PTPRN: variants seen among roughly 807,000 people sequenced by gnomAD.
PTPRN encodes protein tyrosine phosphatase receptor type N.
PTPRN carries 70 observed loss-of-function variants against 108.5 expected under a neutral mutation model. That is an observed-to-expected ratio of 0.65 (90% CI 0.53 to 0.79). The LOEUF (loss-of-function observed/expected upper bound fraction) is 0.79, where lower values mean the gene tolerates loss of function less well. PTPRN is among the 30% of genes least tolerant of loss of function. The pLI is 0.00. For missense variants in PTPRN, 1,136 were observed against 1,295.5 expected (o/e 0.88, Z 1.89); for synonymous variants, 496 against 524.6 (o/e 0.95, Z 0.75).
rs761490920 is a variant in PTPRN at position 219,290,628 on chromosome 2, G to A, written c.2795-17C>T. ...CCTTCACTCCTGGAGATGGAGGTGG[G>A]GATGGGGCTGCTCAGGGGGTGTCCA... On this transcript the variant is annotated splice_polypyrimidine_tract_variant and intron_variant, in intron 21 of 22. Transcript: ENST00000295718. This position sits in a 1 kb window ranked among gnomAD's most constrained non-coding sequence, Gnocchi z 4.2. 6.5e-7 allele frequency: 1 copy of A among 1,550,174 alleles called. No individual in the cohort carries two copies. Among genetic ancestry groups the A allele is most frequent in the Non-Finnish European group, 8.7e-7 (1 of 1,145,406 alleles).
Position 219,296,040 on chromosome 2 carries a change from ATG to A in PTPRN, c.2508+184_2508+185del, listed in dbSNP as rs1472274497. The A allele has an allele frequency of 5.4e-6, 4 of 741,750 alleles. No homozygotes were observed. Among genetic ancestry groups the A allele is most frequent in the Non-Finnish European group, 8.7e-6 (4 of 460,140 alleles). The allele number at this position is 741,750 out of a possible 1,614,324, so 45.9% of individuals were successfully genotyped here. On this transcript the variant is annotated intron_variant, in intron 18 of 22. Transcript: ENST00000295718. The surrounding 1 kb of genome is among the most constrained non-coding windows in gnomAD (Gnocchi z 6.0). ...GTAAACAGGACACACACATGTATAT[ATG>A]TGAATATATGGGTATGCATATATGT...
chr2:219,300,095 AGGTGTCACAGGG>A lies in PTPRN; in HGVS notation c.1314_1325del (p.Pro439_Pro442del), dbSNP rs754840416. On this transcript the variant is annotated inframe_deletion, in exon 9 of 23. Transcript: ENST00000295718. Reference sequence around the variant, plus strand: ...GTGGGCTTTTCTTCTCTAGCAGGACAGGTGTCACAGGGGGTCTGGCAGCTTTGGGAGGCTCAG... The same window carrying A: ...GTGGGCTTTTCTTCTCTAGCAGGACAGGTCTGGCAGCTTTGGGAGGCTCAG... The A allele has an allele frequency of 1.9e-6, 3 of 1,614,018 alleles. No homozygotes were observed. The highest frequency in any genetic ancestry group is 2.5e-6 in the Non-Finnish European group (3 of 1,180,010).
intron 6 of PTPRN, 115 bp from the exon 7 acceptor site, chr2:219,301,834 C>G: frequency 2.3e-6 from 3 of 1,305,738 alleles, no homozygotes; most frequent in Non-Finnish European, 3.1e-6. Context: ...TCCCAGACAC[C>G]AGGACACCAA....
chr2:219,294,830 G>C (rs1952141687), intron 19 of PTPRN, 145 bp downstream of exon 19: 11 of 840,694 alleles, frequency 1.3e-5, no homozygotes, highest in Non-Finnish European at 1.8e-5. Flanking sequence ...GCTTTTAGGG[G>C]TGGGAGCGTG....
At chr2:219,309,075 A>T in intron 1 of PTPRN, 143 bp downstream of exon 1, 1 of 1,403,874 alleles carries the variant, frequency 7.1e-7, no homozygotes, top group Non-Finnish European at 9.3e-7. Context: ...ACGCCCTCTC[A>T]CCTTCCTCAT....
At chr2:219,301,019 G>A in intron 7 of PTPRN, 42 bp from the exon 8 acceptor site, 1 of 1,602,976 alleles carries the variant, frequency 6.2e-7, no homozygotes, top group Non-Finnish European at 8.5e-7. Context: ...AATGGCCATG[G>A]CCAAGGTCTA....
chr2:219,307,687 T>C, intron 2 of PTPRN, 105 bp downstream of exon 2: 1 of 1,492,686 alleles, frequency 6.7e-7, no homozygotes, highest in South Asian at 1.2e-5. Context: ...TTCCTTCTTC[T>C]CAAGCCCAGT....
At chr2:219,307,332 G>T in intron 3 of PTPRN, 112 bp downstream of exon 3, 1 of 867,830 alleles carries the variant, frequency 1.2e-6, no homozygotes, top group Non-Finnish European at 1.8e-6. Context: ...GATATGGGAA[G>T]GTGAGGCTCC....
intron 12 of PTPRN, among the ~76,000 whole-genome samples, chr2:219,298,615 C>G (rs1451830581): frequency 6.6e-6 from 1 of 152,186 alleles, no homozygotes; most frequent in Non-Finnish European, 1.5e-5. Context: ...GAGGCTGAGG[C>G]AGGAGAATCG....
rs1952212395 is a variant in PTPRN, at chr2:219,296,926, C to T, written c.2236+59G>A. 6.2e-7 allele frequency: 1 copy of T among 1,612,080 alleles called. No homozygotes were observed. The highest frequency in any genetic ancestry group is 8.5e-7 in the Non-Finnish European group (1 of 1,178,656). Reference sequence around the variant, plus strand: ...AGAAGCCCAACCCCTTACCCCAAGCCCTCCAGACCTCGCAGCAGAGAGAGG... The same window carrying T: ...AGAAGCCCAACCCCTTACCCCAAGCTCTCCAGACCTCGCAGCAGAGAGAGG... On this transcript the variant is annotated intron_variant, in intron 15 of 22. Transcript: ENST00000295718. This position sits in a 1 kb window ranked among gnomAD's most constrained non-coding sequence, Gnocchi z 6.0.
chr2:219,305,702 C>G (rs1952466670), intron 3 of PTPRN, among the ~76,000 whole-genome samples: 1 of 152,172 alleles, frequency 6.6e-6, no homozygotes, highest in Admixed American at 6.5e-5. Context: ...CTCTCAGAAT[C>G]CAGTCTCATG....
chr2:219,305,215 T>A (rs371211736), intron 3 of PTPRN, among the ~76,000 whole-genome samples: 1 of 152,050 alleles, frequency 6.6e-6, no homozygotes, highest in African/African-American at 2.4e-5. Context: ...TGAGAGGAAG[T>A]TGATGGTTCC....
At chr2:219,292,838 G>A (rs1239507415) in intron 19 of PTPRN, 1 of 152,212 alleles carries the variant, frequency 6.6e-6, no homozygotes, top group Non-Finnish European at 1.5e-5. Context: ...CATTGCAATA[G>A]ATTCTCACAG....
In PTPRN at chr2:219,296,644, C is replaced by G; in HGVS notation, c.2310+105G>C. 6.4e-7 allele frequency: 1 copy of G among 1,560,316 alleles called. No individual in the cohort carries two copies. The highest frequency in any genetic ancestry group is 8.8e-7 in the Non-Finnish European group (1 of 1,138,724). ...CCCTTGCTAGGATATCAGGCCCCAC[C>G]ACTCCAGGGGGTTGGTGGGGTGGCA... is the stretch of plus-strand genomic sequence containing the variant. On this transcript the variant is annotated intron_variant, in intron 16 of 22. Coordinates refer to ENST00000295718, the MANE Select transcript of PTPRN (RefSeq NM_002846.4). This position sits in a 1 kb window ranked among gnomAD's most constrained non-coding sequence, Gnocchi z 6.0.
Position 219,296,876 on chromosome 2 carries a change from G to T in PTPRN, c.2237-54C>A. On this transcript the variant is annotated intron_variant, in intron 15 of 22. Coordinates refer to ENST00000295718, the MANE Select transcript of PTPRN (RefSeq NM_002846.4). The surrounding 1 kb of genome is among the most constrained non-coding windows in gnomAD (Gnocchi z 6.0). ...TGGCCCTCTGGTCATTGGCATCGCG[G>T]GACCTCTGCCACTCAGCCTGAGCCA... 1 of 1,613,380 alleles carries T rather than the reference G, an allele frequency of 6.2e-7. No homozygotes were observed. The highest frequency in any genetic ancestry group is 8.5e-7 in the Non-Finnish European group (1 of 1,179,480).
At chr2:219,291,349 G>A (rs1952050056) in intron 20 of PTPRN, 121 bp downstream of exon 20, 3 of 1,078,342 alleles carry the variant, frequency 2.8e-6, no homozygotes, top group South Asian at 2.6e-5. Flanking sequence ...TTAAAAACAG[G>A]TGGTGTGCTG....
At position 219,296,601 on chromosome 2, in the gene PTPRN, G is replaced by A; in HGVS notation, c.2311-85C>T. The A allele has an allele frequency of 6.3e-7, 1 of 1,577,546 alleles. No individual in the cohort carries two copies. Among genetic ancestry groups the A allele is most frequent in the East Asian group, 2.2e-5 (1 of 44,562 alleles). On this transcript the variant is annotated intron_variant, in intron 16 of 22. Transcript: ENST00000295718. This position sits in a 1 kb window ranked among gnomAD's most constrained non-coding sequence, Gnocchi z 6.0. ...GGTCAGAGCAAGTGGGTCAGGGTCT[G>A]AGAAGGCTGGCAGTTCCCCCTTGCT...
chr2:219,290,015 A>T lies in PTPRN; in HGVS notation c.*211T>A. 1 of 584,432 alleles carries T rather than the reference A, an allele frequency of 1.7e-6. No homozygotes were observed. Among genetic ancestry groups the T allele is most frequent in the Non-Finnish European group, 3.1e-6 (1 of 321,648 alleles). 36.2% of individuals were successfully genotyped at this position (584,432 alleles called of 1,614,324 possible). On this transcript the variant is annotated 3_prime_UTR_variant, in exon 23 of 23. Transcript: ENST00000295718. This position sits in a 1 kb window ranked among gnomAD's most constrained non-coding sequence, Gnocchi z 4.2. ...CTCTCCTCCTGGCTGCAGCACCCCCATGGGATGCCCTGGGCTCTGGGATGC... is the reference window on the plus strand; with the variant it reads ...CTCTCCTCCTGGCTGCAGCACCCCCTTGGGATGCCCTGGGCTCTGGGATGC...
In PTPRN at chr2:219,290,582, G is replaced by A; in HGVS notation, c.2824C>T (p.Leu942=). The change falls in exon 22 of 23, where the codon CTG becomes TTG. Residue 942 remains leucine, a synonymous_variant. Transcript: ENST00000295718. The surrounding 1 kb of genome is among the most constrained non-coding windows in gnomAD (Gnocchi z 4.2). ...GVKEIDIAAT[L]EHVRDQRPGL... ...GGCCGCTGGTCACGGACATGCTCCA[G>A]GGTGGCAGCGATGTCAATCTCCTTC... The A allele has an allele frequency of 6.4e-7, 1 of 1,551,840 alleles. No homozygotes were observed.
Sources: allele counts gnomAD v4.1 joint callset (sites outside exome capture counted in the v4.1 genomes callset), GRCh38; gene constraint gnomAD v4.1.1; non-coding constraint Gnocchi (gnomAD v3.1); transcripts MANE v1.5; gene names NCBI Gene and HGNC (gene_info 2026-07-23, HGNC 2026-07-21).